The following UNC79 variants were observed in gnomAD, a reference collection of about 807,000 sequenced individuals.
UNC79 encodes protein unc-79 homolog.
In UNC79, 37 loss-of-function variants were observed where a neutral mutation model predicts 283.1. That is an observed-to-expected ratio of 0.13 (90% CI 0.10 to 0.17). The LOEUF is 0.17. Ranked by LOEUF, UNC79 falls within the 10% of genes least tolerant of loss-of-function variation. UNC79 has a pLI of 1.00. For missense variants in UNC79, 2,272 were observed against 3,211.1 expected (o/e 0.71, Z 7.07); for synonymous variants, 1,107 against 1,200.2 (o/e 0.92, Z 1.61).
chr14:93,472,273 A>G (rs2140307925), intron 2 of UNC79, among the ~76,000 whole-genome samples: 1 of 152,260 alleles, frequency 6.6e-6, no homozygotes, highest in Non-Finnish European at 1.5e-5. Context: ...TATCAAGAAT[A>G]TAACATTAAT....
At chr14:93,484,988 T>C (rs964319157) in intron 4 of UNC79, among the ~76,000 whole-genome samples, 2 of 152,160 alleles carry the variant, frequency 1.3e-5, no homozygotes, top group South Asian at 4.1e-4. Context: ...ATTCTGCAAA[T>C]AGGCTTCGCC....
At chr14:93,461,429 A>G (rs1434682779) in intron 1 of UNC79, among the ~76,000 whole-genome samples, 1 of 152,176 alleles carries the variant, frequency 6.6e-6, no homozygotes, top group Admixed American at 6.5e-5. Context: ...GCTCCCAAGA[A>G]ACGGTGAGGA....
At chr14:93,677,610 T>C (rs183305371) in intron 41 of UNC79, among the ~76,000 whole-genome samples, 378 of 152,230 alleles carry the variant, frequency 2.5e-3, no homozygotes, top group Non-Finnish European at 4.5e-3. Context: ...AGCCAAACCA[T>C]GTCAGATGGG....
chr14:93,467,573 G>T, intron 1 of UNC79, 98 bp from the exon 2 acceptor site: 1 of 1,154,712 alleles, frequency 8.7e-7, no homozygotes, highest in Non-Finnish European at 1.1e-6. Context: ...TTTTAAAAAT[G>T]ACTGTATGCC....
rs112478099 is a variant in UNC79 at position 93,539,905 on chromosome 14, C to A, written c.1353-755C>A. ...ATTAATCTAGCTATAACTTACTTTT[C>A]TCTATCGTTACATATTTAGACTGCT... On this transcript the variant is annotated intron_variant, in intron 12 of 48. Transcript: ENST00000555664. 6.7e-3 allele frequency among the ~76,000 whole-genome samples: 1,015 copies of A among 152,296 alleles called. 12 individuals carry two copies. Among genetic ancestry groups the A allele is most frequent in the African/African-American group, 0.023 (953 of 41,578 alleles).
chr14:93,693,042 TAGTCTAAGA>T (rs974716378), intron 46 of UNC79, among the ~76,000 whole-genome samples: 1 of 152,192 alleles, frequency 6.6e-6, no homozygotes, highest in Non-Finnish European at 1.5e-5. Flanking sequence ...GATAGAATAA[TAGTCTAAGA>T]AGTATTTTCT....
intron 1 of UNC79, among the ~76,000 whole-genome samples, chr14:93,352,022 C>T (rs2053988146): frequency 6.6e-6 from 1 of 152,188 alleles, no homozygotes; most frequent in Admixed American, 6.5e-5. Context: ...GCCAAGTTGA[C>T]ACAAAATTAA....
At chr14:93,429,539 ATGTT>A (rs2055807984), upstream of UNC79, among the ~76,000 whole-genome samples, 1 of 152,054 alleles carries the variant, frequency 6.6e-6, no homozygotes, top group Non-Finnish European at 1.5e-5. Context: ...TCTTTCCTTG[ATGTT>A]TGTTCATAAT....
At chr14:93,578,996 C>T (rs1405462328) in intron 18 of UNC79, among the ~76,000 whole-genome samples, 1 of 151,896 alleles carries the variant, frequency 6.6e-6, no homozygotes, top group East Asian at 1.9e-4. Flanking sequence ...TTTGTGGGTA[C>T]CTCGTAGGTG....
intron 1 of UNC79, among the ~76,000 whole-genome samples, chr14:93,340,883 T>C (rs1444481609): frequency 2.0e-5 from 3 of 152,156 alleles, no homozygotes; most frequent in African/African-American, 7.2e-5. Context: ...ACGAGAAACC[T>C]TTAGGCCCAA....
exon 27 of UNC79, chr14:93,612,810 T>G: frequency 6.2e-7 from 1 of 1,613,580 alleles, no homozygotes; most frequent in Non-Finnish European, 8.5e-7. Context: ...AACAATCTCC[T>G]GAGAATGACA....
At chr14:93,533,072 T>G (rs1001915315) in intron 11 of UNC79, among the ~76,000 whole-genome samples, 2 of 150,946 alleles carry the variant, frequency 1.3e-5, no homozygotes, top group African/African-American at 4.9e-5. Flanking sequence ...TTTCCTTTAG[T>G]TTTTTTTTAA....
intron 26 of UNC79, among the ~76,000 whole-genome samples, chr14:93,605,579 G>T (rs2065825579): frequency 6.6e-6 from 1 of 152,196 alleles, no homozygotes; most frequent in Non-Finnish European, 1.5e-5. Context: ...GACTCACTGG[G>T]AAGATTGTGA....
intron 4 of UNC79, 128 bp downstream of exon 4, chr14:93,477,856 T>A (rs906821139): frequency 2.4e-5 from 21 of 865,220 alleles, no homozygotes; most frequent in Non-Finnish European, 3.2e-5. Flanking sequence ...GGAGCTATGA[T>A]TTCAATTCAG....
chr14:93,427,111 C>T (rs1231025524), upstream of UNC79, among the ~76,000 whole-genome samples: 1 of 152,140 alleles, frequency 6.6e-6, no homozygotes, highest in Non-Finnish European at 1.5e-5. Flanking sequence ...TGCATGCAGG[C>T]TTTCACATGT....
At chr14:93,595,003 G>A (rs1251898461) in intron 23 of UNC79, among the ~76,000 whole-genome samples, 1 of 151,870 alleles carries the variant, frequency 6.6e-6, no homozygotes, top group Admixed American at 6.6e-5. Context: ...ATATATGACA[G>A]CACATCATGT....
At chr14:93,497,728 C>T (rs2059078268) in intron 7 of UNC79, among the ~76,000 whole-genome samples, 1 of 152,198 alleles carries the variant, frequency 6.6e-6, no homozygotes, top group Non-Finnish European at 1.5e-5. Flanking sequence ...TGGCTCATGC[C>T]TGTAATACTA....
chr14:93,408,564 C>A (rs528371146), intron 1 of UNC79, among the ~76,000 whole-genome samples: 1 of 152,194 alleles, frequency 6.6e-6, no homozygotes, highest in East Asian at 1.9e-4. Context: ...TGGTGGTGCA[C>A]GCCTGTGGTC....
intron 1 of UNC79, among the ~76,000 whole-genome samples, chr14:93,364,968 C>G (rs2054299242): frequency 6.6e-6 from 1 of 151,980 alleles, no homozygotes; most frequent in Admixed American, 6.6e-5. Context: ...TGCAATGGCT[C>G]ATGACTATAA....
Sources: gnomAD v4.1 joint callset for allele counts (sites outside exome capture counted in the v4.1 genomes callset) on GRCh38, gnomAD v4.1.1 for gene constraint, MANE v1.5 for transcripts, NCBI Gene and HGNC (gene_info 2026-07-23, HGNC 2026-07-21) for gene names.